RBFOX1: variants seen among roughly 807,000 people sequenced by gnomAD.
RBFOX1 encodes RNA binding fox-1 homolog 1, also known as RNA binding protein fox-1 homolog 1.
A neutral mutation model predicts 57.7 loss-of-function variants in RBFOX1; 8 were observed. The observed-to-expected ratio is 0.14, with a 90% confidence interval of 0.08 to 0.25. The LOEUF (loss-of-function observed/expected upper bound fraction) is 0.25, where lower values mean the gene tolerates loss of function less well. Ranked by LOEUF, RBFOX1 falls within the 10% of genes least tolerant of loss-of-function variation. The pLI, the probability that RBFOX1 is intolerant of heterozygous loss-of-function variation, is 1.00. For missense variants in RBFOX1, 611 were observed against 548.5 expected (o/e 1.11, Z -1.14); for synonymous variants, 326 against 222.4 (o/e 1.47, Z -4.15).
At chr16:6,239,615 A>G (rs954983529) in intron 1 of RBFOX1, among the ~76,000 whole-genome samples, 2 of 145,384 alleles carry the variant, frequency 1.4e-5, no homozygotes, top group African/African-American at 5.1e-5. Flanking sequence ...CTCCTGCCTC[A>G]GCCTCCTGAG....
chr16:6,256,173 A>ATATATATGTATATATG (rs1361828113), intron 1 of RBFOX1, among the ~76,000 whole-genome samples: 4 of 14,072 alleles, frequency 2.8e-4, no homozygotes, highest in African/African-American at 5.4e-4. Context: ...ATATATATGT[A>ATATATATGTATATATG]TATATATATA....
chr16:7,354,623 C>T (rs559104574), intron 4 of RBFOX1, among the ~76,000 whole-genome samples: 4 of 152,106 alleles, frequency 2.6e-5, no homozygotes, highest in African/African-American at 9.7e-5. Flanking sequence ...TTACCGTGCC[C>T]AATTTTTGTT....
chr16:6,052,359 T>A (rs1208227772), intron 1 of RBFOX1, among the ~76,000 whole-genome samples: 12 of 152,208 alleles, frequency 7.9e-5, no homozygotes, highest in Admixed American at 5.2e-4. Flanking sequence ...AGATGATTCT[T>A]TTTTGTGATG....
intron 2 of RBFOX1, among the ~76,000 whole-genome samples, chr16:6,575,436 C>T (rs1046468796): frequency 3.3e-5 from 5 of 152,134 alleles, no homozygotes; most frequent in African/African-American, 4.8e-5. Context: ...CTGATTGATA[C>T]AAACAAGAGT....
chr16:6,912,876 TC>T (rs754917108), intron 3 of RBFOX1, among the ~76,000 whole-genome samples: 1 of 152,100 alleles, frequency 6.6e-6, no homozygotes, highest in Non-Finnish European at 1.5e-5. Context: ...TGCCTTGACC[TC>T]CCAAAGTGCT....
intron 3 of RBFOX1, among the ~76,000 whole-genome samples, chr16:6,905,483 G>T (rs972398314): frequency 1.2e-4 from 18 of 151,472 alleles, no homozygotes; most frequent in Admixed American, 6.6e-5. Flanking sequence ...AACCCGGGAG[G>T]CATAGGTTGC....
At chr16:7,694,140 C>G (rs536746728) in intron 14 of RBFOX1, among the ~76,000 whole-genome samples, 1 of 152,112 alleles carries the variant, frequency 6.6e-6, no homozygotes, top group African/African-American at 2.4e-5. Flanking sequence ...TTCCTTTTGT[C>G]GTTTTTAAGC....
intron 1 of RBFOX1, among the ~76,000 whole-genome samples, chr16:6,024,991 G>C (rs758623533): frequency 3.3e-5 from 5 of 152,214 alleles, no homozygotes; most frequent in Non-Finnish European, 7.3e-5. Flanking sequence ...CTGGAATAGT[G>C]ACAAAATCAT....
intron 2 of RBFOX1, among the ~76,000 whole-genome samples, chr16:6,491,278 C>T (rs2095627254): frequency 1.3e-5 from 2 of 151,778 alleles, no homozygotes; most frequent in South Asian, 2.1e-4. Flanking sequence ...TTAAAATAGC[C>T]ATTTTAATTC....
chr16:6,085,967 C>G (rs1003122143), intron 1 of RBFOX1, among the ~76,000 whole-genome samples: 3 of 152,108 alleles, frequency 2.0e-5, no homozygotes, highest in Admixed American at 6.5e-5. Flanking sequence ...TATCCTGATG[C>G]TCTCTCTTCC....
chr16:6,253,185 T>G (rs760189888), intron 1 of RBFOX1, among the ~76,000 whole-genome samples: 14 of 152,196 alleles, frequency 9.2e-5, no homozygotes, highest in Non-Finnish European at 1.5e-4. Context: ...TAACTCCAAA[T>G]TCTATTTCTC....
rs146073153 is a variant in RBFOX1 at position 6,893,695 on chromosome 16, C to G, written c.-15-158362C>G. Among the ~76,000 whole-genome samples the G allele has an allele frequency of 3.8e-3, 586 of 152,304 alleles. 8 individuals carry two copies. The highest frequency in any genetic ancestry group is 0.034 in the Middle Eastern group (10 of 294). Reference sequence around the variant, plus strand: ...GAACTGTACTTTATCAATGTGGAAACTAAAATATCTTTTCAGTGTAATTTG... The same window carrying G: ...GAACTGTACTTTATCAATGTGGAAAGTAAAATATCTTTTCAGTGTAATTTG... On this transcript the variant is annotated intron_variant, in intron 3 of 15. Coordinates refer to ENST00000550418, the MANE Select transcript of RBFOX1 (RefSeq NM_018723.4).
At chr16:5,860,508 C>T (rs2057186071) in intron 3 of RBFOX1, among the ~76,000 whole-genome samples, 1 of 152,162 alleles carries the variant, frequency 6.6e-6, no homozygotes, top group South Asian at 2.1e-4. Context: ...TTGCTTGCTC[C>T]CATTTGTCAA....
At chr16:6,560,768 GTCTC>G (rs2097169780) in intron 2 of RBFOX1, among the ~76,000 whole-genome samples, 1 of 152,188 alleles carries the variant, frequency 6.6e-6, no homozygotes, top group Non-Finnish European at 1.5e-5. Flanking sequence ...GTTGATGTCT[GTCTC>G]TCTCATAGAC....
At chr16:7,493,892 A>C (rs952957922) in intron 4 of RBFOX1, among the ~76,000 whole-genome samples, 3 of 152,216 alleles carry the variant, frequency 2.0e-5, no homozygotes, top group Non-Finnish European at 4.4e-5. Context: ...CATTATCGTC[A>C]TCTCAGTAGG....
intron 2 of RBFOX1, among the ~76,000 whole-genome samples, chr16:6,490,065 C>T (rs1258333435): frequency 6.6e-6 from 1 of 152,130 alleles, no homozygotes; most frequent in Non-Finnish European, 1.5e-5. Flanking sequence ...ACGTTGACTC[C>T]CAGCTTGATC....
chr16:6,841,186 A>C (rs1014313525), intron 3 of RBFOX1, among the ~76,000 whole-genome samples: 1 of 152,168 alleles, frequency 6.6e-6, no homozygotes, highest in Non-Finnish European at 1.5e-5. Context: ...ACAGACTAAG[A>C]CAATGATTAT....
chr16:7,033,757 C>A (rs879265012), intron 3 of RBFOX1, among the ~76,000 whole-genome samples: 1 of 152,024 alleles, frequency 6.6e-6, no homozygotes. Flanking sequence ...ACTTTGGGAG[C>A]GTGAGCTGGG....
chr16:5,856,212 T>C (rs1246478097), intron 3 of RBFOX1, among the ~76,000 whole-genome samples: 3 of 39,596 alleles, frequency 7.6e-5, no homozygotes, highest in South Asian at 7.8e-4. Flanking sequence ...TATATACATA[T>C]ATATGTATAT....
Sources: allele counts gnomAD v4.1 joint callset (sites outside exome capture counted in the v4.1 genomes callset), GRCh38; gene constraint gnomAD v4.1.1; transcripts MANE v1.5; gene names NCBI Gene and HGNC (gene_info 2026-07-23, HGNC 2026-07-21).